Variants in KMT5B observed in about 807,000 individuals in gnomAD.
The protein encoded by KMT5B is lysine methyltransferase 5B.
Under a neutral mutation model 83.2 loss-of-function variants are expected in KMT5B, and 10 were observed. The observed-to-expected ratio is 0.12, with a 90% CI of 0.07 to 0.20. The LOEUF (loss-of-function observed/expected upper bound fraction) is 0.20. Ranked by LOEUF, KMT5B falls within the 10% of genes least tolerant of loss-of-function variation. The probability of loss-of-function intolerance (pLI) is 1.00; values close to 1 mark genes in which losing one functional copy is unlikely to be tolerated. For missense variants in KMT5B, 753 were observed against 1,067.2 expected (o/e 0.71, Z 4.10); for synonymous variants, 349 against 388.8 (o/e 0.90, Z 1.20).
chr11:68,165,877 A>T (rs1261217405), intron 10 of KMT5B: 1 of 1,612,938 alleles, frequency 6.2e-7, no homozygotes, highest in Non-Finnish European at 8.5e-7. Flanking sequence ...TCCCAGCAGC[A>T]GGTAGATTCA....
Position 68,155,267 on chromosome 11 carries a change from G to A in KMT5B, c.*2421C>T, listed in dbSNP as rs1185625717. 1.3e-5 allele frequency: 2 copies of A among 152,122 alleles called. No homozygotes were observed. The highest frequency in any genetic ancestry group is 2.4e-5 in the African/African-American group (1 of 41,408). 9.4% of individuals were successfully genotyped at this position (152,122 alleles called of 1,614,324 possible). A position where few individuals can be genotyped will look rare whatever the true frequency, so the allele number is the denominator to read the frequency against. Reference sequence around the variant, plus strand: ...TCTACAGCAGATCCGGAACAGTTCCGAGGCCCCTACCTTTACCAACGGAAA... The same window carrying A: ...TCTACAGCAGATCCGGAACAGTTCCAAGGCCCCTACCTTTACCAACGGAAA... On this transcript the variant is annotated 3_prime_UTR_variant, in exon 11 of 11. Transcript: ENST00000304363.
intron 10 of KMT5B, among the ~76,000 whole-genome samples, chr11:68,162,981 A>T (rs748581158): frequency 5.3e-5 from 8 of 152,212 alleles, no homozygotes; most frequent in Non-Finnish European, 1.2e-4. Context: ...TGAGAATTTC[A>T]GACAGTGAAG....
In KMT5B at chr11:68,158,309, T is replaced by C. The variant is rs36089209; in HGVS notation, c.2037A>G (p.Thr679=). 4.2e-3 allele frequency: 6,730 copies of C among 1,614,162 alleles called. 222 individuals carry two copies. The African/African-American group carries it at 0.073, about 18-fold the overall frequency. ...APSPVGCSVV[T]SDSFKTKDSF... The stretch of plus-strand genomic sequence containing the variant: ...TGTCTTTTGTTTTGAAGCTATCTGA[T>C]GTCACAACTGAACAACCGACGGGTG... Residue 679 remains threonine, a synonymous_variant, in exon 11 of 11, where the codon ACA becomes ACG. Coordinates refer to ENST00000304363, the MANE Select transcript of KMT5B (RefSeq NM_017635.5).
At position 68,157,588 on chromosome 11, in the gene KMT5B, CA is replaced by C; in HGVS notation, c.*99del. ...AATAGTATGCTGATAAGTGAAGGGA[CA>C]ATAGAAGTGCTGCCACTAAACTTTC... On this transcript the variant is annotated 3_prime_UTR_variant, in exon 11 of 11. Transcript: ENST00000304363. 1 of 1,465,640 alleles carries C rather than the reference CA, an allele frequency of 6.8e-7. No homozygotes were observed. 90.8% of individuals were successfully genotyped at this position (1,465,640 alleles called of 1,614,324 possible).
rs140373968 is a variant in KMT5B, at chr11:68,160,462, G to A, written c.1175-1291C>T. 6.0e-3 allele frequency among the ~76,000 whole-genome samples: 915 copies of A among 152,168 alleles called. 9 individuals are homozygous for A. Among genetic ancestry groups the A allele is most frequent in the African/African-American group, 0.021 (874 of 41,504 alleles). On this transcript the variant is annotated intron_variant, in intron 10 of 10. Transcript: ENST00000304363. ...ACTAGAGAAGCCACGATAACAAAAC[G>A]AATCATCACCACCTCTCATCAGAAC...
chr11:68,184,662 G>A (rs1177048316), intron 3 of KMT5B, among the ~76,000 whole-genome samples: 1 of 152,196 alleles, frequency 6.6e-6, no homozygotes, highest in Non-Finnish European at 1.5e-5. Flanking sequence ...GTGTGATGGA[G>A]ATGAAAGTGA....
intron 3 of KMT5B, among the ~76,000 whole-genome samples, chr11:68,181,468 C>T (rs1856929649): frequency 6.6e-6 from 1 of 152,072 alleles, no homozygotes; most frequent in South Asian, 2.1e-4. Context: ...TAAAAAGTGA[C>T]AAATTACAGG....
intron 1 of KMT5B, among the ~76,000 whole-genome samples, chr11:68,209,480 CT>C (rs1358520644): frequency 2.6e-5 from 4 of 152,154 alleles, no homozygotes; most frequent in Admixed American, 2.6e-4. Context: ...CTGAATGGGC[CT>C]TTTGCGTAAG....
At chr11:68,173,724 A>G in intron 6 of KMT5B, 80 bp downstream of exon 6, 1 of 995,116 alleles carries the variant, frequency 1.0e-6, no homozygotes, top group Non-Finnish European at 1.5e-6. Context: ...ATTCCTTACC[A>G]TGAATTTCTC....
In KMT5B at chr11:68,156,806, T is replaced by A. The variant is rs1296791224; in HGVS notation, c.*882A>T. The A allele has an allele frequency of 6.6e-6, 1 of 152,670 alleles. No homozygotes were observed. Among genetic ancestry groups the A allele is most frequent in the Non-Finnish European group, 1.5e-5 (1 of 68,040 alleles). The allele number at this position is 152,670 out of a possible 1,614,324, so 9.5% of individuals were successfully genotyped here. The stretch of plus-strand genomic sequence containing the variant: ...GAATAGATTTTTTTAATATTCCTTG[T>A]AGCATTTTACAAGTGCAACAGAAAA... On this transcript the variant is annotated 3_prime_UTR_variant, in exon 11 of 11. Coordinates refer to ENST00000304363, the MANE Select transcript of KMT5B (RefSeq NM_017635.5).
At chr11:68,166,072 C>T in intron 10 of KMT5B, 1 of 1,530,158 alleles carries the variant, frequency 6.5e-7, no homozygotes, top group Admixed American at 2.2e-5. Flanking sequence ...CATTTAAGTG[C>T]CAACAAAGGC....
In KMT5B at chr11:68,159,185, G is replaced by A; in HGVS notation, c.1175-14C>T. The A allele has an allele frequency of 6.5e-7, 1 of 1,541,596 alleles. No individual in the cohort carries two copies. Among genetic ancestry groups the A allele is most frequent in the Non-Finnish European group, 8.7e-7 (1 of 1,154,980 alleles). On this transcript the variant is annotated splice_polypyrimidine_tract_variant and intron_variant, in intron 10 of 10. Coordinates refer to ENST00000304363, the MANE Select transcript of KMT5B (RefSeq NM_017635.5). ...TTCGGTTAGAAGCTGTAAGGTTAAA[G>A]AGAAAAAGGTGAAAAGCCTTGGTAA...
intron 1 of KMT5B, among the ~76,000 whole-genome samples, chr11:68,200,294 G>C (rs1859276337): frequency 6.6e-6 from 1 of 152,210 alleles, no homozygotes; most frequent in Admixed American, 6.5e-5. Flanking sequence ...GGAGCAACAA[G>C]TGAGAAGCAG....
chr11:68,170,120 G>T (rs192749869), intron 9 of KMT5B, among the ~76,000 whole-genome samples: 20 of 152,296 alleles, frequency 1.3e-4, no homozygotes, highest in Admixed American at 1.1e-3. Flanking sequence ...GCTATTTGTA[G>T]GTGTTTTAAA....
At chr11:68,198,665 T>G (rs1208817520) in intron 1 of KMT5B, among the ~76,000 whole-genome samples, 1 of 152,156 alleles carries the variant, frequency 6.6e-6, no homozygotes, top group South Asian at 2.1e-4. Context: ...CTGACTACAT[T>G]TAGAAGTAAA....
At position 68,171,506 on chromosome 11, in the gene KMT5B, C is replaced by T. The variant is rs757554943; in HGVS notation, c.820+37G>A. ...CCATTCTAGCAGTTAGCAGGAATGG[C>T]CAACACTAGCGCCAACACCTTGGAA... is the stretch of plus-strand genomic sequence containing the variant. On this transcript the variant is annotated intron_variant, in intron 7 of 10. Coordinates refer to ENST00000304363, the MANE Select transcript of KMT5B (RefSeq NM_017635.5). The surrounding 1 kb of genome is among the most constrained non-coding windows in gnomAD (Gnocchi z 5.1). The T allele has an allele frequency of 6.2e-7, 1 of 1,600,078 alleles. No individual in the cohort carries two copies. Among genetic ancestry groups the T allele is most frequent in the South Asian group, 1.1e-5 (1 of 88,328 alleles).
chr11:68,166,613 T>C (rs1330824491), intron 10 of KMT5B: 21 of 1,024,706 alleles, frequency 2.0e-5, no homozygotes, highest in African/African-American at 3.4e-5. Flanking sequence ...GGCACTGGAA[T>C]GTATAGAGTC....
At chr11:68,190,680 A>G (rs1351051061) in intron 1 of KMT5B, among the ~76,000 whole-genome samples, 1 of 152,246 alleles carries the variant, frequency 6.6e-6, no homozygotes, top group African/African-American at 2.4e-5. Context: ...GTTATAGAAT[A>G]AAGATATTTT....
chr11:68,177,262 G>A (rs1462615333), intron 4 of KMT5B, among the ~76,000 whole-genome samples: 3 of 152,138 alleles, frequency 2.0e-5, no homozygotes, highest in Non-Finnish European at 4.4e-5. Flanking sequence ...CATTGCTATA[G>A]CACCTAAAAG....
Sources: allele counts gnomAD v4.1 joint callset (sites outside exome capture counted in the v4.1 genomes callset), GRCh38; gene constraint gnomAD v4.1.1; non-coding constraint Gnocchi (gnomAD v3.1); transcripts MANE v1.5; gene names NCBI Gene and HGNC (gene_info 2026-07-23, HGNC 2026-07-21).